Variants in C12orf42 observed in about 807,000 individuals in gnomAD.
C12orf42 encodes uncharacterized protein C12orf42.
In C12orf42, 25 loss-of-function variants were observed where a neutral mutation model predicts 21.6. The ratio of observed to expected loss-of-function variants is 1.16; its 90% CI spans 0.84 to 1.62. C12orf42 has a LOEUF of 1.62. Among genes scored for constraint, C12orf42 ranks in the 40% most tolerant of loss-of-function variants. The pLI, the probability that C12orf42 is intolerant of heterozygous loss-of-function variation, is 0.00. For synonymous variants in C12orf42, 174 were observed against 175.0 expected, an observed-to-expected ratio of 0.99 and a Z score of 0.05; for missense variants, 483 against 459.3, an observed-to-expected ratio of 1.05 and a Z score of -0.47.
Position 103,322,912 on chromosome 12 carries a change from G to A in C12orf42, c.260-16567C>T, listed in dbSNP as rs144849836. Among the ~76,000 whole-genome samples the A allele has an allele frequency of 2.0e-4, 30 of 152,226 alleles. No homozygotes were observed. In the East Asian group the frequency reaches 3.5e-3, roughly 18 times the overall value. On this transcript the variant is annotated intron_variant, in intron 4 of 5. Transcript: ENST00000548883. ...GAATTCAAAAAACAAAAGTAACAAT[G>A]ACAATGCCCCAGGTAACAATAATGC...
intron 4 of C12orf42, among the ~76,000 whole-genome samples, chr12:103,290,547 C>G (rs1342511895): frequency 6.6e-6 from 1 of 152,090 alleles, no homozygotes; most frequent in Non-Finnish European, 1.5e-5. Context: ...TCAGCTTTAA[C>G]CTAGAGGAGG....
At chr12:103,551,458 A>G in the C12orf42 span, among the ~76,000 whole-genome samples, 1 of 152,160 alleles carries the variant, frequency 6.6e-6, no homozygotes, top group Non-Finnish European at 1.5e-5. Flanking sequence ...TCGAGGCTGC[A>G]GTGAGCCATA....
intron 4 of C12orf42, among the ~76,000 whole-genome samples, chr12:103,323,045 C>A (rs575579187): frequency 1.9e-4 from 29 of 152,088 alleles, no homozygotes; most frequent in Non-Finnish European, 3.1e-4. Context: ...GGCTGCCCAA[C>A]TTTTCATTGG....
downstream of C12orf42, among the ~76,000 whole-genome samples, chr12:103,300,308 A>T (rs1270829321): frequency 6.6e-6 from 1 of 152,188 alleles, no homozygotes; most frequent in Non-Finnish European, 1.5e-5. Context: ...ACCTAATGTT[A>T]CTATGACTCT....
chr12:103,102,596 C>T, the C12orf42 span, among the ~76,000 whole-genome samples: 9 of 152,364 alleles, frequency 5.9e-5, no homozygotes, highest in South Asian at 2.1e-4. Flanking sequence ...AAAACTATAG[C>T]TTCTCACTGC....
the C12orf42 span, among the ~76,000 whole-genome samples, chr12:103,125,707 G>C: frequency 1.3e-5 from 2 of 152,132 alleles, no homozygotes; most frequent in African/African-American, 2.4e-5. Flanking sequence ...AGGACCCCGG[G>C]TCAGATGACA....
the C12orf42 span, among the ~76,000 whole-genome samples, chr12:103,061,392 A>T: frequency 6.6e-6 from 1 of 152,266 alleles, no homozygotes; most frequent in African/African-American, 2.4e-5. Flanking sequence ...ATTAGGTCAA[A>T]GTGGTTCACT....
chr12:103,516,873 A>G, the C12orf42 span, among the ~76,000 whole-genome samples: 1 of 152,230 alleles, frequency 6.6e-6, no homozygotes, highest in Non-Finnish European at 1.5e-5. Context: ...ATAGTCTTCT[A>G]CCTGATATAA....
At chr12:103,443,296 G>A (rs1229430168) in intron 2 of C12orf42, among the ~76,000 whole-genome samples, 2 of 152,092 alleles carry the variant, frequency 1.3e-5, no homozygotes, top group Admixed American at 6.6e-5. Context: ...TCAACCAGTG[G>A]CCCAGAACTC....
intron 10 of C12orf42, among the ~76,000 whole-genome samples, chr12:103,258,554 T>C (rs1026807851): frequency 6.6e-6 from 1 of 151,362 alleles, no homozygotes; most frequent in East Asian, 1.9e-4. Flanking sequence ...TATAGAGAAA[T>C]CAAAAAATAA....
At chr12:103,410,856 G>A (rs1201573198) in intron 2 of C12orf42, among the ~76,000 whole-genome samples, 3 of 152,104 alleles carry the variant, frequency 2.0e-5, no homozygotes, top group African/African-American at 4.8e-5. Context: ...AAGGAAAGCG[G>A]GAAGAGAAAT....
intron 10 of C12orf42, among the ~76,000 whole-genome samples, chr12:103,245,924 G>T (rs778809242): frequency 6.6e-6 from 1 of 152,068 alleles, no homozygotes; most frequent in Admixed American, 6.6e-5. Context: ...GAGGGAAGAG[G>T]TAGCCTTTGA....
intron 10 of C12orf42, among the ~76,000 whole-genome samples, chr12:103,239,436 C>T (rs1253893630): frequency 6.6e-6 from 1 of 152,206 alleles, no homozygotes; most frequent in Non-Finnish European, 1.5e-5. Context: ...TGAAAACCAT[C>T]TTCCACCTCT....
At chr12:103,461,917 AAATAT>A (rs2137681176) in intron 2 of C12orf42, among the ~76,000 whole-genome samples, 1 of 152,110 alleles carries the variant, frequency 6.6e-6, no homozygotes, top group Non-Finnish European at 1.5e-5. Flanking sequence ...AGTGCTATGC[AAATAT>A]AATATGTTTC....
At chr12:103,360,705 T>C (rs934950279) in intron 4 of C12orf42, among the ~76,000 whole-genome samples, 5 of 152,038 alleles carry the variant, frequency 3.3e-5, no homozygotes, top group African/African-American at 1.2e-4. Context: ...CACAGTAGGC[T>C]GGAAATAAGC....
chr12:103,063,286 C>T, the C12orf42 span, among the ~76,000 whole-genome samples: 2 of 152,116 alleles, frequency 1.3e-5, no homozygotes, highest in African/African-American at 4.8e-5. Flanking sequence ...AGAGAAAGAG[C>T]TGAAATTGTG....
intron 4 of C12orf42, among the ~76,000 whole-genome samples, chr12:103,353,972 C>A (rs982022262): frequency 1.3e-5 from 2 of 152,096 alleles, no homozygotes; most frequent in African/African-American, 4.8e-5. Context: ...AGTTACCCAG[C>A]AAGGCTCAAT....
intron 4 of C12orf42, among the ~76,000 whole-genome samples, chr12:103,319,516 T>C (rs1010717622): frequency 2.0e-5 from 3 of 152,234 alleles, no homozygotes; most frequent in East Asian, 1.9e-4. Flanking sequence ...TGCATGCCCC[T>C]GTGAAACAGC....
At position 103,495,042 on chromosome 12, in the gene C12orf42, C is replaced by A. The variant is rs576411341; in HGVS notation, c.-22+860G>T. On this transcript the variant is annotated intron_variant, in intron 1 of 5. Coordinates refer to ENST00000548883, the MANE Select transcript of C12orf42 (RefSeq NM_198521.5). Reference sequence around the variant, plus strand: ...CACATTTAACAAGTGTCAAGGCCAGCTCTAGAAGTAGGGACAGGGTGGGGG... The same window carrying A: ...CACATTTAACAAGTGTCAAGGCCAGATCTAGAAGTAGGGACAGGGTGGGGG... Among the ~76,000 whole-genome samples, 6 of 152,060 alleles carry A rather than the reference C, an allele frequency of 3.9e-5. No homozygotes were observed. The South Asian group carries it at 1.2e-3, about 32-fold the overall frequency.
Sources: gnomAD v4.1 joint callset for allele counts (sites outside exome capture counted in the v4.1 genomes callset) on GRCh38, gnomAD v4.1.1 for gene constraint, MANE v1.5 for transcripts, NCBI Gene and HGNC (gene_info 2026-07-23, HGNC 2026-07-21) for gene names.